The following PALM2AKAP2 variants were observed in gnomAD, a reference collection of about 807,000 sequenced individuals.
PALM2AKAP2 encodes PALM2-AKAP2 fusion protein.
PALM2AKAP2 carries 37 observed loss-of-function variants against 71.5 expected under a neutral mutation model. The ratio of observed to expected loss-of-function variants is 0.52; its 90% CI spans 0.40 to 0.68. PALM2AKAP2 has a LOEUF of 0.68. PALM2AKAP2 is among the 30% of genes least tolerant of loss of function. The probability of loss-of-function intolerance (pLI) is 0.00; values close to 1 mark genes in which losing one functional copy is unlikely to be tolerated. For missense variants in PALM2AKAP2, 1,224 were observed against 1,191.8 expected (o/e 1.03, Z -0.40); for synonymous variants, 468 against 478.8 (o/e 0.98, Z 0.29).
At chr9:109,871,873 A>G (rs553391523) in intron 2 of PALM2AKAP2, among the ~76,000 whole-genome samples, 1 of 152,130 alleles carries the variant, frequency 6.6e-6, no homozygotes, top group South Asian at 2.1e-4. Context: ...ACTCTTAGCT[A>G]TTATGTTTCT....
chr9:109,953,834 CAAAAAAA>C (rs34719180), intron 6 of PALM2AKAP2, among the ~76,000 whole-genome samples: 2 of 48,636 alleles, frequency 4.1e-5, no homozygotes, highest in South Asian at 7.9e-4. Context: ...GACTCCATCT[CAAAAAAA>C]AAAAAAAAAA....
intron 1 of PALM2AKAP2, among the ~76,000 whole-genome samples, chr9:109,678,620 A>G (rs555834551): frequency 1.3e-5 from 2 of 152,292 alleles, no homozygotes; most frequent in African/African-American, 2.4e-5. Context: ...ATCCTTATCT[A>G]GGAGAGGTGA....
At chr9:109,673,815 A>T (rs1438999819) in intron 1 of PALM2AKAP2, among the ~76,000 whole-genome samples, 1 of 151,902 alleles carries the variant, frequency 6.6e-6, no homozygotes, top group Non-Finnish European at 1.5e-5. Flanking sequence ...AAATAGTTAC[A>T]TTATCTTGTT....
At chr9:110,089,011 C>T (rs1362067359) in intron 1 of PALM2AKAP2, among the ~76,000 whole-genome samples, 4 of 152,058 alleles carry the variant, frequency 2.6e-5, no homozygotes, top group Admixed American at 6.5e-5. Context: ...TGAGCCACCG[C>T]GCCGGCCTAC....
At chr9:109,924,329 C>G (rs1343961323) in intron 4 of PALM2AKAP2, among the ~76,000 whole-genome samples, 3 of 152,040 alleles carry the variant, frequency 2.0e-5, no homozygotes, top group Non-Finnish European at 4.4e-5. Context: ...TATATAGAAA[C>G]AGATGGTGCC....
intron 1 of PALM2AKAP2, among the ~76,000 whole-genome samples, chr9:110,126,552 G>A (rs1481194305): frequency 6.6e-6 from 1 of 152,196 alleles, no homozygotes; most frequent in Non-Finnish European, 1.5e-5. Flanking sequence ...AAGAGCCTCC[G>A]AGGGCTCCTT....
intron 2 of PALM2AKAP2, among the ~76,000 whole-genome samples, chr9:109,869,279 G>A (rs1237872008): frequency 6.6e-6 from 1 of 152,004 alleles, no homozygotes; most frequent in East Asian, 1.9e-4. Flanking sequence ...TATTGCTGAT[G>A]TCCAGTGCAG....
intron 7 of PALM2AKAP2, among the ~76,000 whole-genome samples, chr9:110,041,825 C>T (rs1184381867): frequency 6.6e-6 from 1 of 152,208 alleles, no homozygotes; most frequent in Non-Finnish European, 1.5e-5. Flanking sequence ...ATCAGGCTGT[C>T]ACAGAATCAG....
chr9:109,792,511 G>T (rs906785726), intron 1 of PALM2AKAP2, among the ~76,000 whole-genome samples: 12 of 152,180 alleles, frequency 7.9e-5, no homozygotes, highest in Admixed American at 5.9e-4. Flanking sequence ...TCAGGCAACA[G>T]AACAGTTCCA....
chr9:110,061,318 G>A (rs992648418), intron 1 of PALM2AKAP2, among the ~76,000 whole-genome samples: 2 of 152,040 alleles, frequency 1.3e-5, no homozygotes, highest in African/African-American at 4.8e-5. Context: ...ACAATGTATG[G>A]GTACAATTTA....
chr9:109,779,689 T>C (rs756215876), upstream of PALM2AKAP2, among the ~76,000 whole-genome samples: 19 of 152,238 alleles, frequency 1.2e-4, no homozygotes, highest in Non-Finnish European at 2.8e-4. Flanking sequence ...TCTGGAGATA[T>C]ACCCTACCCT....
At chr9:109,816,321 T>C (rs111863942) in intron 1 of PALM2AKAP2, among the ~76,000 whole-genome samples, 6,290 of 152,248 alleles carry the variant, frequency 0.041, 162 homozygotes, top group African/African-American at 0.065. Context: ...GTGATTGGAA[T>C]GGATTGTTCA....
In PALM2AKAP2 at chr9:109,706,245, C is replaced by T. The variant is rs74307995; in HGVS notation, c.5+65379C>T. On this transcript the variant is annotated intron_variant, in intron 1 of 6. Transcript: ENST00000374531. ...AAATGATTTCATTTAAATTCACCAACTTGATTCCTCAGTAATACTCATAAT... is the reference window on the plus strand; with the variant it reads ...AAATGATTTCATTTAAATTCACCAATTTGATTCCTCAGTAATACTCATAAT... Among the ~76,000 whole-genome samples the T allele has an allele frequency of 1.5e-3, 224 of 152,264 alleles. 6 individuals carry two copies. The East Asian group carries it at 0.039, about 27-fold the overall frequency.
chr9:109,655,198 A>C (rs1372986691), intron 1 of PALM2AKAP2, among the ~76,000 whole-genome samples: 2 of 151,168 alleles, frequency 1.3e-5, no homozygotes, highest in African/African-American at 4.9e-5. Context: ...CGGGAGGCTG[A>C]GGCAGGAGAA....
At chr9:110,157,084 C>A (rs1262543217) in intron 3 of PALM2AKAP2, among the ~76,000 whole-genome samples, 1 of 152,196 alleles carries the variant, frequency 6.6e-6, no homozygotes, top group Non-Finnish European at 1.5e-5. Flanking sequence ...GAACTTTGCA[C>A]ATAACGTTCA....
intron 3 of PALM2AKAP2, 83 bp downstream of exon 9, chr9:110,156,580 G>T: frequency 1.4e-6 from 2 of 1,449,634 alleles, no homozygotes. Context: ...AGGCACAAAT[G>T]TGTATGTCGT....
chr9:109,678,781 C>G (rs1827684909), intron 1 of PALM2AKAP2, among the ~76,000 whole-genome samples: 1 of 152,156 alleles, frequency 6.6e-6, no homozygotes, highest in South Asian at 2.1e-4. Context: ...TTTAATTACA[C>G]TCCTGATGGT....
At chr9:109,769,615 G>A (rs1038617857) in intron 1 of PALM2AKAP2, among the ~76,000 whole-genome samples, 2 of 152,196 alleles carry the variant, frequency 1.3e-5, no homozygotes, top group African/African-American at 4.8e-5. Flanking sequence ...TGGTTGGGGG[G>A]AAAAGCCAGG....
intron 6 of PALM2AKAP2, among the ~76,000 whole-genome samples, chr9:110,004,021 C>T (rs1485949315): frequency 6.6e-6 from 1 of 152,128 alleles, no homozygotes; most frequent in Non-Finnish European, 1.5e-5. Flanking sequence ...AGCATTTAGC[C>T]CATTTACATT....
Sources: allele counts gnomAD v4.1 joint callset (sites outside exome capture counted in the v4.1 genomes callset), GRCh38; gene constraint gnomAD v4.1.1; transcripts MANE v1.5; gene names NCBI Gene and HGNC (gene_info 2026-07-23, HGNC 2026-07-21).